RFTN2: variants seen among roughly 807,000 people sequenced by gnomAD.
The protein encoded by RFTN2 is raftlin family member 2.
Under a neutral mutation model 52.7 loss-of-function variants are expected in RFTN2, and 34 were observed. The ratio of observed to expected loss-of-function variants is 0.64; its 90% CI spans 0.49 to 0.86. The LOEUF (loss-of-function observed/expected upper bound fraction) is 0.86, where lower values mean the gene tolerates loss of function less well. Ranked by LOEUF, RFTN2 falls within the 40% of genes least tolerant of loss-of-function variation. The pLI is 0.00. For synonymous variants in RFTN2, 203 were observed against 217.7 expected (o/e 0.93, Z 0.59); for missense variants, 536 against 600.1 (o/e 0.89, Z 1.12).
chr2:197,590,648 C>G (rs1208322112), intron 8 of RFTN2, among the ~76,000 whole-genome samples: 1 of 152,134 alleles, frequency 6.6e-6, no homozygotes, highest in Non-Finnish European at 1.5e-5. Flanking sequence ...CCGGAGTTTG[C>G]TCCTTCTGGT....
intron 4 of RFTN2, among the ~76,000 whole-genome samples, chr2:197,631,911 C>T (rs144833497): frequency 6.6e-6 from 1 of 152,226 alleles, no homozygotes; most frequent in African/African-American, 2.4e-5. Context: ...TATCTGGATT[C>T]CATGGATTTC....
At chr2:197,574,276 A>T (rs2087375688) in intron 8 of RFTN2, among the ~76,000 whole-genome samples, 1 of 152,236 alleles carries the variant, frequency 6.6e-6, no homozygotes, top group Non-Finnish European at 1.5e-5. Flanking sequence ...ACCCAAGGCC[A>T]TGGGAACCCA....
At chr2:197,650,460 G>C (rs909157750) in intron 1 of RFTN2, among the ~76,000 whole-genome samples, 13 of 152,152 alleles carry the variant, frequency 8.5e-5, no homozygotes, top group African/African-American at 2.9e-4. Flanking sequence ...TTTTGTGAAA[G>C]TGTGTCCTTT....
At chr2:197,649,391 A>C (rs1237382032) in intron 1 of RFTN2, among the ~76,000 whole-genome samples, 2 of 152,236 alleles carry the variant, frequency 1.3e-5, no homozygotes, top group Non-Finnish European at 2.9e-5. Context: ...AAGAAAAAAT[A>C]CTTAGAGGTG....
At chr2:197,643,177 A>G (rs1331010831) in intron 3 of RFTN2, among the ~76,000 whole-genome samples, 1 of 152,006 alleles carries the variant, frequency 6.6e-6, no homozygotes, top group Non-Finnish European at 1.5e-5. Flanking sequence ...GCTCACTTCT[A>G]GGCTCAGGTG....
intron 1 of RFTN2, among the ~76,000 whole-genome samples, chr2:197,665,892 C>G (rs2089049984): frequency 6.6e-6 from 1 of 152,016 alleles, no homozygotes; most frequent in Non-Finnish European, 1.5e-5. Context: ...TGTAGTGGTG[C>G]TATTTGAGTC....
intron 4 of RFTN2, among the ~76,000 whole-genome samples, chr2:197,631,425 C>T (rs1451234905): frequency 6.6e-6 from 1 of 152,132 alleles, no homozygotes; most frequent in Non-Finnish European, 1.5e-5. Flanking sequence ...GTGGTATCCT[C>T]TAATTCTATT....
intron 8 of RFTN2, among the ~76,000 whole-genome samples, chr2:197,590,329 G>A (rs1416163776): frequency 1.3e-5 from 2 of 152,108 alleles, no homozygotes; most frequent in Admixed American, 6.5e-5. Context: ...TAGTAAATGA[G>A]GGTCTAAATA....
intron 1 of RFTN2, among the ~76,000 whole-genome samples, chr2:197,662,242 C>T (rs1366283076): frequency 6.6e-6 from 1 of 151,788 alleles, no homozygotes; most frequent in Non-Finnish European, 1.5e-5. Context: ...ACATTTTTAT[C>T]TAGTAGTTTT....
intron 3 of RFTN2, among the ~76,000 whole-genome samples, chr2:197,637,460 T>C (rs1220686686): frequency 2.6e-5 from 4 of 152,036 alleles, no homozygotes; most frequent in African/African-American, 9.7e-5. Context: ...CTTCCTGGTT[T>C]AGTCTTGGGA....
intron 5 of RFTN2, among the ~76,000 whole-genome samples, chr2:197,629,630 G>A (rs1334275496): frequency 6.6e-6 from 1 of 150,688 alleles, no homozygotes; most frequent in Non-Finnish European, 1.5e-5. Flanking sequence ...AAGTGGAAGA[G>A]GCTTCCAATA....
intron 8 of RFTN2, among the ~76,000 whole-genome samples, chr2:197,580,123 A>G (rs2087480980): frequency 6.6e-6 from 1 of 152,110 alleles, no homozygotes. Flanking sequence ...GCAAAAAGCC[A>G]TATTATTCTC....
intron 1 of RFTN2, among the ~76,000 whole-genome samples, chr2:197,656,978 A>G (rs1319738909): frequency 6.6e-6 from 1 of 152,110 alleles, no homozygotes; most frequent in Non-Finnish European, 1.5e-5. Context: ...CAGTGCTGCC[A>G]TGTGGAATTG....
At chr2:197,620,840 C>A (rs1253953606) in intron 5 of RFTN2, among the ~76,000 whole-genome samples, 1 of 152,162 alleles carries the variant, frequency 6.6e-6, no homozygotes, top group East Asian at 1.9e-4. Context: ...GTGGCGCATG[C>A]CTGTAATCCT....
At chr2:197,642,708 G>C (rs2088691592) in intron 3 of RFTN2, among the ~76,000 whole-genome samples, 1 of 152,122 alleles carries the variant, frequency 6.6e-6, no homozygotes. Flanking sequence ...TTATGGCCAG[G>C]CATGGTGGCT....
chr2:197,596,074 A>C lies in RFTN2; in HGVS notation c.1155-5T>G, dbSNP rs747332203. 4.4e-6 allele frequency: 7 copies of C among 1,574,372 alleles called. No homozygotes were observed. In the African/African-American group the frequency reaches 9.4e-5, roughly 21 times the overall value. On this transcript the variant is annotated splice_polypyrimidine_tract_variant and splice_region_variant and intron_variant, in intron 7 of 8. Transcript: ENST00000295049. ...TTTGTAGCCAAATTCCCTTCACTGC[A>C]AATTAAAACAATAGTATTAGTATTT...
intron 8 of RFTN2, among the ~76,000 whole-genome samples, chr2:197,579,298 C>T (rs2087468057): frequency 6.6e-6 from 1 of 152,174 alleles, no homozygotes; most frequent in Non-Finnish European, 1.5e-5. Context: ...CCCCTTCTCT[C>T]CATGTCTCTA....
intron 7 of RFTN2, among the ~76,000 whole-genome samples, chr2:197,596,669 C>T (rs1416013787): frequency 6.6e-6 from 1 of 152,022 alleles, no homozygotes; most frequent in East Asian, 1.9e-4. Flanking sequence ...GAAATGAATA[C>T]TTAGGAGTGG....
intron 8 of RFTN2, among the ~76,000 whole-genome samples, chr2:197,585,772 C>T (rs1464864089): frequency 1.3e-5 from 2 of 152,156 alleles, no homozygotes. Context: ...CTTTACCCTC[C>T]TGAAGAACTT....
Sources: allele counts gnomAD v4.1 joint callset (sites outside exome capture counted in the v4.1 genomes callset), GRCh38; gene constraint gnomAD v4.1.1; transcripts MANE v1.5; gene names NCBI Gene and HGNC (gene_info 2026-07-23, HGNC 2026-07-21).